CKAP5: variants seen among roughly 807,000 people sequenced by gnomAD.
The protein encoded by CKAP5 is cytoskeleton-associated protein 5.
In CKAP5, 27 loss-of-function variants were observed where a neutral mutation model predicts 232.8. The observed-to-expected ratio is 0.12, with a 90% confidence interval of 0.09 to 0.16. The LOEUF is 0.16. Ranked by LOEUF, CKAP5 falls within the 10% of genes least tolerant of loss-of-function variation. The pLI is 1.00. For synonymous variants in CKAP5, 785 were observed against 841.1 expected (o/e 0.93, Z 1.16); for missense variants, 1,838 against 2,424.7 (o/e 0.76, Z 5.08).
chr11:46,817,112 GAAAAA>G (rs75795895), intron 3 of CKAP5, among the ~76,000 whole-genome samples: 2 of 107,148 alleles, frequency 1.9e-5, no homozygotes, highest in Non-Finnish European at 4.0e-5. Flanking sequence ...GTATCAAAAA[GAAAAA>G]AAAAAAAAAA....
intron 2 of CKAP5, among the ~76,000 whole-genome samples, chr11:46,819,391 T>C (rs1939477012): frequency 1.3e-5 from 2 of 152,056 alleles, no homozygotes; most frequent in Non-Finnish European, 2.9e-5. Flanking sequence ...AAAGGCCAGA[T>C]CATGCAGGAC....
chr11:46,770,138 A>G, intron 25 of CKAP5, 40 bp from the exon 26 acceptor site: 1 of 1,600,256 alleles, frequency 6.2e-7, no homozygotes, highest in Non-Finnish European at 8.6e-7. Context: ...GAGGTCACAT[A>G]AATGATAAAG....
intron 6 of CKAP5, 61 bp from the exon 7 acceptor site, chr11:46,809,561 A>G (rs1002680989): frequency 7.1e-7 from 1 of 1,417,762 alleles, no homozygotes; most frequent in South Asian, 1.2e-5. Flanking sequence ...CTTATCAGTT[A>G]TCAGTCCTTT....
intron 11 of CKAP5, 89 bp from the exon 12 acceptor site, chr11:46,797,029 G>A (rs1329375079): frequency 6.9e-7 from 1 of 1,454,126 alleles, no homozygotes; most frequent in Non-Finnish European, 9.4e-7. Context: ...GCTAGATAAA[G>A]AATTTGCTTT....
At chr11:46,776,458 T>A in intron 23 of CKAP5, 75 bp from the exon 24 acceptor site, 1 of 1,223,308 alleles carries the variant, frequency 8.2e-7, no homozygotes. Flanking sequence ...TGTTGCTTTA[T>A]GAACATGAAC....
chr11:46,750,818 C>A (rs1445554397), intron 40 of CKAP5, among the ~76,000 whole-genome samples: 1 of 152,228 alleles, frequency 6.6e-6, no homozygotes, highest in African/African-American at 2.4e-5. Context: ...ATTTCCACCT[C>A]AACTTGATGG....
intron 40 of CKAP5, among the ~76,000 whole-genome samples, chr11:46,750,901 C>T (rs1023141752): frequency 2.0e-5 from 3 of 152,196 alleles, no homozygotes; most frequent in African/African-American, 7.2e-5. Context: ...CCTTAGGCAT[C>T]TTTCTTGGGG....
At chr11:46,825,525 G>A (rs888140035) in intron 1 of CKAP5, among the ~76,000 whole-genome samples, 1 of 152,124 alleles carries the variant, frequency 6.6e-6, no homozygotes, top group African/African-American at 2.4e-5. Flanking sequence ...AAAAACCACT[G>A]GCAGTATGAC....
intron 9 of CKAP5, among the ~76,000 whole-genome samples, chr11:46,799,174 T>A (rs1030597251): frequency 2.6e-5 from 4 of 152,064 alleles, no homozygotes; most frequent in Admixed American, 6.6e-5. Flanking sequence ...TTTTTTTTTT[T>A]AATTCTTAAT....
At chr11:46,815,375 G>C (rs1939374037) in intron 4 of CKAP5, among the ~76,000 whole-genome samples, 2 of 150,894 alleles carry the variant, frequency 1.3e-5, no homozygotes, top group Non-Finnish European at 3.0e-5. Context: ...AAAGAGACAG[G>C]GTCTTGCTCT....
intron 1 of CKAP5, among the ~76,000 whole-genome samples, chr11:46,837,969 A>AG (rs911386742): frequency 1.3e-5 from 2 of 152,148 alleles, no homozygotes; most frequent in African/African-American, 4.8e-5. Flanking sequence ...ATAGAAAAGG[A>AG]GGGGAAAAAA....
intron 36 of CKAP5, 128 bp from the exon 37 acceptor site, chr11:46,753,625 G>A (rs538839288): frequency 2.8e-5 from 19 of 666,962 alleles, no homozygotes; most frequent in South Asian, 1.8e-4. Context: ...CTCCTCTGTC[G>A]CCCAGGCTGG....
intron 1 of CKAP5, among the ~76,000 whole-genome samples, chr11:46,822,737 G>A (rs774684333): frequency 1.5e-4 from 8 of 51,978 alleles, no homozygotes; most frequent in Non-Finnish European, 2.4e-4. Flanking sequence ...AACAGACTCC[G>A]TCCCAAAAAA....
At chr11:46,759,087 A>T (rs774267564) in intron 34 of CKAP5, 44 bp from the exon 35 acceptor site, 6 of 1,604,428 alleles carry the variant, frequency 3.7e-6, no homozygotes, top group Admixed American at 1.7e-5. Context: ...CTATTACAAG[A>T]CATCCCAGTC....
chr11:46,836,575 GA>G (rs973314752), intron 1 of CKAP5, among the ~76,000 whole-genome samples: 3 of 152,042 alleles, frequency 2.0e-5, no homozygotes, highest in South Asian at 2.1e-4. Context: ...ATAAAGTGGG[GA>G]CACTACATAC....
intron 1 of CKAP5, among the ~76,000 whole-genome samples, chr11:46,829,607 C>A (rs1038829084): frequency 1.3e-5 from 2 of 152,156 alleles, no homozygotes; most frequent in African/African-American, 2.4e-5. Flanking sequence ...ATATATAATA[C>A]ATATACAAAA....
chr11:46,844,278 A>G (rs1278535934), intron 1 of CKAP5, among the ~76,000 whole-genome samples: 1 of 152,018 alleles, frequency 6.6e-6, no homozygotes, highest in East Asian at 1.9e-4. Flanking sequence ...ATAAAAGTTT[A>G]CAGGAGAGTT....
chr11:46,808,187 A>G (rs773493148), intron 7 of CKAP5, 43 bp from the exon 8 acceptor site: 1 of 1,286,208 alleles, frequency 7.8e-7, no homozygotes, highest in Non-Finnish European at 1.1e-6. Flanking sequence ...GAAATAAGAG[A>G]GCGGAATAAA....
At chr11:46,837,594 C>T (rs1310570569) in intron 1 of CKAP5, among the ~76,000 whole-genome samples, 3 of 152,024 alleles carry the variant, frequency 2.0e-5, no homozygotes, top group African/African-American at 4.8e-5. Flanking sequence ...GATTCTAGCA[C>T]TGGGACAAGA....
Sources: gnomAD v4.1 joint callset for allele counts (sites outside exome capture counted in the v4.1 genomes callset) on GRCh38, gnomAD v4.1.1 for gene constraint, MANE v1.5 for transcripts, NCBI Gene and HGNC (gene_info 2026-07-23, HGNC 2026-07-21) for gene names.